The following TCERG1L variants were observed in gnomAD, a reference collection of about 807,000 sequenced individuals.
TCERG1L encodes the protein transcription elongation regulator 1 like.
In TCERG1L, 37 loss-of-function variants were observed where a neutral mutation model predicts 56.3. That is an observed-to-expected ratio of 0.66 (90% CI 0.51 to 0.87). The LOEUF (loss-of-function observed/expected upper bound fraction) is 0.87. Ranked by LOEUF, TCERG1L falls within the 40% of genes least tolerant of loss-of-function variation. The probability of loss-of-function intolerance (pLI) is 0.00; values close to 1 mark genes in which losing one functional copy is unlikely to be tolerated. For missense variants in TCERG1L, 799 were observed against 774.2 expected (o/e 1.03, Z -0.38); for synonymous variants, 324 against 326.3 (o/e 0.99, Z 0.08).
At chr10:131,232,010 C>G (rs960078790) in intron 4 of TCERG1L, among the ~76,000 whole-genome samples, 12 of 152,188 alleles carry the variant, frequency 7.9e-5, no homozygotes, top group Non-Finnish European at 1.3e-4. Context: ...CCTCCCATCC[C>G]CCAGGCCAAA....
intron 4 of TCERG1L, among the ~76,000 whole-genome samples, chr10:131,231,954 G>A (rs1249200995): frequency 1.3e-5 from 2 of 152,166 alleles, no homozygotes; most frequent in Non-Finnish European, 2.9e-5. Flanking sequence ...AGGAAGTTGA[G>A]GAAGCTGCTT....
chr10:131,212,451 C>G (rs1845629097), intron 4 of TCERG1L, among the ~76,000 whole-genome samples: 1 of 152,162 alleles, frequency 6.6e-6, no homozygotes, highest in African/African-American at 2.4e-5. Flanking sequence ...ATTTATCCAG[C>G]CTAAATGCAT....
At chr10:131,281,204 C>T (rs1159204766) in intron 3 of TCERG1L, among the ~76,000 whole-genome samples, 1 of 152,174 alleles carries the variant, frequency 6.6e-6, no homozygotes. Flanking sequence ...TTCCAAATCA[C>T]ATTCAATCTT....
intron 4 of TCERG1L, among the ~76,000 whole-genome samples, chr10:131,248,616 T>C (rs1385146870): frequency 1.3e-5 from 2 of 152,150 alleles, no homozygotes; most frequent in Non-Finnish European, 2.9e-5. Context: ...TGGAGGGCCA[T>C]CTTAGCCTAG....
rs150728995 is a variant in TCERG1L, at chr10:131,286,085, GAAGA to G, written c.670+22122_670+22125del. 5.9e-5 allele frequency among the ~76,000 whole-genome samples: 9 copies of G among 152,266 alleles called. No individual in the cohort carries two copies. The East Asian group carries it at 7.7e-4, about 13-fold the overall frequency. On this transcript the variant is annotated intron_variant, in intron 3 of 11. Transcript: ENST00000368642. ...TTTTAAAAAGCACAAGAACGGAAAA[GAAGA>G]AAGAAATCTCACTCCTGAACATTAA...
rs1564794961 is a variant in TCERG1L at position 131,117,029 on chromosome 10, C to T, written c.1260-95G>A. 4 of 1,425,868 alleles carry T rather than the reference C, an allele frequency of 2.8e-6. No individual in the cohort carries two copies. The African/African-American group carries it at 4.3e-5, about 15-fold the overall frequency. 88.3% of individuals were successfully genotyped at this position (1,425,868 alleles called of 1,614,324 possible). On this transcript the variant is annotated intron_variant, in intron 8 of 11. Coordinates refer to ENST00000368642, the MANE Select transcript of TCERG1L (RefSeq NM_174937.4). ...CAAACCCTCCTCAAGGTAACTCTTT[C>T]AGAAGCACAGTCTCCTTGACAACTC...
intron 8 of TCERG1L, among the ~76,000 whole-genome samples, chr10:131,120,727 C>T (rs868198719): frequency 6.6e-6 from 1 of 152,242 alleles, no homozygotes. Context: ...GCACTGATGC[C>T]TTCAGCCCCA....
intron 7 of TCERG1L, among the ~76,000 whole-genome samples, chr10:131,145,712 C>T (rs1339671748): frequency 6.6e-6 from 1 of 152,168 alleles, no homozygotes; most frequent in African/African-American, 2.4e-5. Flanking sequence ...GAATACCACA[C>T]AAAACTAAAA....
intron 4 of TCERG1L, among the ~76,000 whole-genome samples, chr10:131,234,697 GTTTT>G (rs1845894553): frequency 6.6e-6 from 1 of 150,934 alleles, no homozygotes; most frequent in African/African-American, 2.4e-5. Context: ...TTGTTTGTTT[GTTTT>G]GTTTTGTTGT....
intron 4 of TCERG1L, among the ~76,000 whole-genome samples, chr10:131,225,272 C>A (rs1454366015): frequency 6.6e-6 from 1 of 152,162 alleles, no homozygotes; most frequent in Non-Finnish European, 1.5e-5. Context: ...ACATCAACAT[C>A]CAATTGCTAA....
At position 131,260,452 on chromosome 10, in the gene TCERG1L, AG is replaced by A. The variant is rs533898122; in HGVS notation, c.671-9del. On this transcript the variant is annotated splice_polypyrimidine_tract_variant and intron_variant, in intron 3 of 11. Transcript: ENST00000368642. The surrounding 1 kb of genome is among the most constrained non-coding windows in gnomAD (Gnocchi z 5.8). ...GGCTGTTATGGCAGCCACCTGCGGA[AG>A]AGGGATGCAGAGGGTCAGCAAGGGG... is the stretch of plus-strand genomic sequence containing the variant. 7.0e-3 allele frequency: 9,767 copies of A among 1,388,008 alleles called. 45 individuals are homozygous for A. The highest frequency in any genetic ancestry group is 0.037 in the Middle Eastern group (188 of 5,090). 86.0% of individuals were successfully genotyped at this position (1,388,008 alleles called of 1,614,324 possible).
chr10:131,110,976 A>T (rs992176486), intron 9 of TCERG1L, among the ~76,000 whole-genome samples: 2 of 142,774 alleles, frequency 1.4e-5, no homozygotes, highest in Non-Finnish European at 3.2e-5. Flanking sequence ...TAAAACCAAA[A>T]AAAGGCTCTT....
intron 8 of TCERG1L, among the ~76,000 whole-genome samples, chr10:131,132,712 T>C (rs1282503915): frequency 6.6e-6 from 1 of 152,236 alleles, no homozygotes; most frequent in Non-Finnish European, 1.5e-5. Flanking sequence ...CCTGGAGCCC[T>C]TGGCCCCCGT....
At chr10:131,279,229 C>T (rs1371547029) in intron 3 of TCERG1L, among the ~76,000 whole-genome samples, 1 of 152,106 alleles carries the variant, frequency 6.6e-6, no homozygotes, top group Non-Finnish European at 1.5e-5. Context: ...TTCCAAGCCG[C>T]TCTAAACATG....
At chr10:131,219,669 G>C (rs769209454) in intron 4 of TCERG1L, among the ~76,000 whole-genome samples, 2 of 152,196 alleles carry the variant, frequency 1.3e-5, no homozygotes, top group Non-Finnish European at 2.9e-5. Flanking sequence ...CTTCCCTTCC[G>C]ATGCTCTGAG....
chr10:131,136,508 T>A (rs1589725326), intron 7 of TCERG1L, among the ~76,000 whole-genome samples: 1 of 152,164 alleles, frequency 6.6e-6, no homozygotes, highest in Admixed American at 6.5e-5. Context: ...AGGCCCGCCC[T>A]CAGAGGCTCT....
rs933780550 is a variant in TCERG1L at position 131,103,629 on chromosome 10, T to A, written c.1485+636A>T. Among the ~76,000 whole-genome samples the A allele has an allele frequency of 1.4e-4, 21 of 152,156 alleles. No individual in the cohort carries two copies. Among genetic ancestry groups the A allele is most frequent in the Admixed American group, 9.8e-4 (15 of 15,282 alleles). On this transcript the variant is annotated intron_variant, in intron 10 of 11. Coordinates refer to ENST00000368642, the MANE Select transcript of TCERG1L (RefSeq NM_174937.4). The surrounding 1 kb of genome is among the most constrained non-coding windows in gnomAD (Gnocchi z 4.3). ...TGGCTTGATCCCAGAAGGTGGAGGT[T>A]GCAGTGAGCCAAGATTGCACCACTG...
At chr10:131,097,723 T>A (rs892814211) in intron 11 of TCERG1L, among the ~76,000 whole-genome samples, 6 of 152,238 alleles carry the variant, frequency 3.9e-5, no homozygotes, top group Non-Finnish European at 7.3e-5. Flanking sequence ...ATTCTTCCAA[T>A]TTCTAACATC....
At chr10:131,109,073 T>TC (rs1554885691) in intron 9 of TCERG1L, among the ~76,000 whole-genome samples, 8 of 148,354 alleles carry the variant, frequency 5.4e-5, no homozygotes, top group Admixed American at 3.3e-4. Flanking sequence ...TGTTGTGGGG[T>TC]GGGGGGGGTG....
Sources: allele counts gnomAD v4.1 joint callset (sites outside exome capture counted in the v4.1 genomes callset), GRCh38; gene constraint gnomAD v4.1.1; non-coding constraint Gnocchi (gnomAD v3.1); transcripts MANE v1.5; gene names NCBI Gene and HGNC (gene_info 2026-07-23, HGNC 2026-07-21).